Variants in SLC30A7 observed in about 807,000 individuals in gnomAD.
SLC30A7 encodes zinc transporter 7.
Under a neutral mutation model 46.0 loss-of-function variants are expected in SLC30A7, and 35 were observed. The observed-to-expected ratio is 0.76, with a 90% CI of 0.58 to 1.01. The LOEUF is 1.01. Ranked by LOEUF, SLC30A7 falls within the 50% of genes least tolerant of loss-of-function variation. The pLI, the probability that SLC30A7 is intolerant of heterozygous loss-of-function variation, is 0.00. For missense variants in SLC30A7, 464 were observed against 451.1 expected (o/e 1.03, Z -0.26); for synonymous variants, 147 against 157.8 (o/e 0.93, Z 0.51).
In SLC30A7 at chr1:100,965,788, T is replaced by A; in HGVS notation, c.953T>A (p.Val318Asp). The A allele has an allele frequency of 6.2e-7, 1 of 1,613,692 alleles. No individual in the cohort carries two copies. Among genetic ancestry groups the A allele is most frequent in the Non-Finnish European group, 8.5e-7 (1 of 1,179,762 alleles). Residue 318 changes from valine to aspartate, a missense_variant, in exon 10 of 11, where the codon GTT (valine) becomes GAT (aspartate). Val to Asp is a radical substitution (Grantham distance 152). Transcript: ENST00000357650. ...TTTCAGGTACAGCAGTTGCAAGGAG[T>A]TTACAGTTTACAGGAACAGCACTTC... is the stretch of plus-strand genomic sequence containing the variant. ...CYQRVQQLQG[V>D]YSLQEQHFWT...
chr1:100,920,509 G>A (rs1414377826), intron 7 of SLC30A7, among the ~76,000 whole-genome samples: 1 of 151,912 alleles, frequency 6.6e-6, no homozygotes, highest in African/African-American at 2.4e-5. Context: ...TATAATAATA[G>A]AGTTAAACTG....
chr1:100,988,993 T>C, the SLC30A7 span, among the ~76,000 whole-genome samples: 1 of 152,252 alleles, frequency 6.6e-6, no homozygotes, highest in African/African-American at 2.4e-5. Context: ...GGGAAATCTG[T>C]TCAAATTTCA....
chr1:100,903,731 T>C (rs907939597), intron 2 of SLC30A7, among the ~76,000 whole-genome samples: 1 of 152,188 alleles, frequency 6.6e-6, no homozygotes, highest in African/African-American at 2.4e-5. Flanking sequence ...TTATTGTGCT[T>C]TTTCTTGTTG....
At chr1:100,915,219 TTC>T (rs1652440653) in intron 6 of SLC30A7, among the ~76,000 whole-genome samples, 1 of 146,034 alleles carries the variant, frequency 6.8e-6, no homozygotes, top group African/African-American at 2.6e-5. Flanking sequence ...CTTTCTTTCT[TTC>T]TTTCTTTCTT....
intron 10 of SLC30A7, among the ~76,000 whole-genome samples, chr1:100,966,259 T>C (rs1655861467): frequency 6.7e-6 from 1 of 149,450 alleles, no homozygotes; most frequent in Non-Finnish European, 1.5e-5. Context: ...ATAATAAATA[T>C]ATATACTACT....
downstream of SLC30A7, among the ~76,000 whole-genome samples, chr1:100,982,409 C>T (rs189010672): frequency 2.7e-4 from 41 of 152,262 alleles, no homozygotes; most frequent in African/African-American, 8.9e-4. Flanking sequence ...CCATCAGTGG[C>T]TTCTCGTCAC....
At chr1:100,925,130 T>C (rs889370203) in intron 8 of SLC30A7, among the ~76,000 whole-genome samples, 12 of 152,208 alleles carry the variant, frequency 7.9e-5, no homozygotes, top group African/African-American at 2.9e-4. Context: ...GAAGAGGCCT[T>C]TAACCTGAGA....
chr1:100,989,040 T>C, the SLC30A7 span, among the ~76,000 whole-genome samples: 1 of 152,116 alleles, frequency 6.6e-6, no homozygotes, highest in African/African-American at 2.4e-5. Context: ...AAAAATTGGT[T>C]AGGCCATGGA....
chr1:100,931,728 CTA>C (rs1653675449), intron 8 of SLC30A7, among the ~76,000 whole-genome samples: 1 of 152,160 alleles, frequency 6.6e-6, no homozygotes, highest in South Asian at 2.1e-4. Flanking sequence ...AATTAGGAGT[CTA>C]TTTGTAAACT....
At chr1:100,961,246 C>T (rs185989346) in intron 8 of SLC30A7, among the ~76,000 whole-genome samples, 1 of 152,166 alleles carries the variant, frequency 6.6e-6, no homozygotes, top group Non-Finnish European at 1.5e-5. Flanking sequence ...CAGGCATGAG[C>T]CACCGCGCCC....
chr1:100,913,078 C>T (rs898873534), intron 5 of SLC30A7, among the ~76,000 whole-genome samples: 2 of 152,004 alleles, frequency 1.3e-5, no homozygotes, highest in African/African-American at 2.4e-5. Flanking sequence ...AGATGTTGCT[C>T]GGTGGTTTAG....
chr1:100,951,715 C>T (rs971998895), intron 8 of SLC30A7, among the ~76,000 whole-genome samples: 2 of 152,160 alleles, frequency 1.3e-5, no homozygotes, highest in African/African-American at 4.8e-5. Context: ...CCTCCTCTGG[C>T]CAGTGAGGTC....
At chr1:100,921,880 T>TGA (rs778839942) in intron 8 of SLC30A7, 39 bp downstream of exon 8, 1 of 1,544,324 alleles carries the variant, frequency 6.5e-7, no homozygotes, top group South Asian at 1.1e-5. Flanking sequence ...AAAGTGAGAC[T>TGA]GAGAGAGAAA....
the SLC30A7 span, chr1:100,990,714 T>C: frequency 7.6e-7 from 1 of 1,317,048 alleles, no homozygotes; most frequent in South Asian, 1.3e-5. Flanking sequence ...GTACCACAAG[T>C]ACATTTCAAG....
At chr1:100,953,776 T>C (rs1570577094) in intron 8 of SLC30A7, among the ~76,000 whole-genome samples, 1 of 152,244 alleles carries the variant, frequency 6.6e-6, no homozygotes, top group Non-Finnish European at 1.5e-5. Context: ...CATTTTAAGA[T>C]TTAATTTTTA....
chr1:100,946,098 G>C (rs1316450095), intron 8 of SLC30A7, among the ~76,000 whole-genome samples: 1 of 152,146 alleles, frequency 6.6e-6, no homozygotes, highest in Non-Finnish European at 1.5e-5. Flanking sequence ...TCTGTTATCG[G>C]TGTATAGGAA....
intron 2 of SLC30A7, among the ~76,000 whole-genome samples, chr1:100,898,389 C>G (rs914527530): frequency 2.0e-5 from 3 of 152,146 alleles, no homozygotes; most frequent in African/African-American, 7.2e-5. Flanking sequence ...CAGTGCATAA[C>G]AAAAACATTA....
At chr1:100,905,882 C>A (rs1163530929) in intron 2 of SLC30A7, among the ~76,000 whole-genome samples, 2 of 152,140 alleles carry the variant, frequency 1.3e-5, no homozygotes, top group African/African-American at 4.8e-5. Flanking sequence ...GGGGCCATTT[C>A]TGGTTCTGTT....
At chr1:100,939,668 C>G (rs1176768585) in intron 8 of SLC30A7, among the ~76,000 whole-genome samples, 1 of 147,858 alleles carries the variant, frequency 6.8e-6, no homozygotes, top group Non-Finnish European at 1.5e-5. Context: ...AACCCTGTCT[C>G]TACTTAAAAA....
Sources: gnomAD v4.1 joint callset for allele counts (sites outside exome capture counted in the v4.1 genomes callset) on GRCh38, gnomAD v4.1.1 for gene constraint, MANE v1.5 for transcripts, NCBI Gene and HGNC (gene_info 2026-07-23, HGNC 2026-07-21) for gene names.